ZMYM2: variants seen among roughly 807,000 people sequenced by gnomAD.
The protein encoded by ZMYM2 is zinc finger MYM-type protein 2.
ZMYM2 carries 56 observed loss-of-function variants against 162.8 expected under a neutral mutation model. That is an observed-to-expected ratio of 0.34 (90% confidence interval 0.28 to 0.43). The LOEUF (loss-of-function observed/expected upper bound fraction) is 0.43, where lower values mean the gene tolerates loss of function less well. ZMYM2 is among the 20% of genes least tolerant of loss of function. The pLI is 1.00. For missense variants in ZMYM2, 1,275 were observed against 1,621.8 expected (o/e 0.79, Z 3.67); for synonymous variants, 510 against 541.6 (o/e 0.94, Z 0.81).
chr13:19,961,802 A>G (rs890319791), intron 2 of ZMYM2, among the ~76,000 whole-genome samples: 1 of 152,246 alleles, frequency 6.6e-6, no homozygotes, highest in Non-Finnish European at 1.5e-5. Context: ...AACAGCAACT[A>G]GTGATGCTGC....
intron 6 of ZMYM2, among the ~76,000 whole-genome samples, chr13:20,007,084 C>T (rs535650789): frequency 6.6e-6 from 1 of 152,234 alleles, no homozygotes; most frequent in East Asian, 1.9e-4. Context: ...AACTTTTAAA[C>T]CTCGGCTTGA....
chr13:20,074,773 C>T (rs775700113), intron 21 of ZMYM2, among the ~76,000 whole-genome samples: 1 of 151,488 alleles, frequency 6.6e-6, no homozygotes, highest in Admixed American at 6.6e-5. Flanking sequence ...CTCCTGACCT[C>T]GTGATCCGCC....
At chr13:19,864,221 C>T in the ZMYM2 span, 3 of 155,032 alleles carry the variant, frequency 1.9e-5, no homozygotes, top group Non-Finnish European at 2.9e-5. Flanking sequence ...GAACTGGAGT[C>T]TTGAGTGCGC....
intron 2 of ZMYM2, among the ~76,000 whole-genome samples, chr13:19,992,093 G>C (rs1164508450): frequency 3.3e-5 from 5 of 152,084 alleles, no homozygotes; most frequent in Non-Finnish European, 5.9e-5. Flanking sequence ...TGATATCTTT[G>C]GTGACCTTTA....
At chr13:19,907,430 C>T in the ZMYM2 span, among the ~76,000 whole-genome samples, 1 of 152,092 alleles carries the variant, frequency 6.6e-6, no homozygotes, top group Non-Finnish European at 1.5e-5. Context: ...TATATGGGAA[C>T]TATCTGTACT....
the ZMYM2 span, among the ~76,000 whole-genome samples, chr13:19,880,062 G>A: frequency 6.6e-6 from 1 of 152,140 alleles, no homozygotes; most frequent in African/African-American, 2.4e-5. Flanking sequence ...TCTAGGACCA[G>A]CAGGGTACCC....
At chr13:19,959,018 G>A (rs1954825639) in intron 1 of ZMYM2, among the ~76,000 whole-genome samples, 177 bp downstream of exon 1, 1 of 151,850 alleles carries the variant, frequency 6.6e-6, no homozygotes, top group Non-Finnish European at 1.5e-5. Flanking sequence ...CGGCGCGGCC[G>A]CCGTCGCCGC....
chr13:19,937,596 A>C, the ZMYM2 span, among the ~76,000 whole-genome samples: 1 of 143,048 alleles, frequency 7.0e-6, no homozygotes, highest in East Asian at 2.0e-4. Flanking sequence ...TTTTTTTTTT[A>C]GAAATATGGA....
chr13:19,890,477 T>G, the ZMYM2 span, among the ~76,000 whole-genome samples: 10 of 110,818 alleles, frequency 9.0e-5, no homozygotes, highest in Admixed American at 3.8e-4. Flanking sequence ...CCTAAGATAT[T>G]AAAGCAACAT....
intron 6 of ZMYM2, among the ~76,000 whole-genome samples, chr13:20,017,474 C>A (rs1457365820): frequency 1.3e-5 from 2 of 152,120 alleles, no homozygotes; most frequent in African/African-American, 4.8e-5. Context: ...TTTATCCTTC[C>A]TAGTGTTTGC....
chr13:19,869,514 G>A, the ZMYM2 span, among the ~76,000 whole-genome samples: 9 of 152,130 alleles, frequency 5.9e-5, no homozygotes, highest in East Asian at 5.8e-4. Flanking sequence ...CTGGCTGGGC[G>A]TGGTGGCTCA....
At chr13:20,022,512 G>A (rs1374719106) in intron 7 of ZMYM2, among the ~76,000 whole-genome samples, 1 of 152,080 alleles carries the variant, frequency 6.6e-6, no homozygotes, top group Non-Finnish European at 1.5e-5. Flanking sequence ...TTTAAGTTAA[G>A]CAAACTTTTC....
chr13:19,926,740 T>C, the ZMYM2 span, among the ~76,000 whole-genome samples: 3 of 152,188 alleles, frequency 2.0e-5, no homozygotes, highest in Non-Finnish European at 2.9e-5. Context: ...CAATCCCTGC[T>C]CACTGCAATC....
At chr13:20,055,797 A>G (rs944037319) in intron 14 of ZMYM2, among the ~76,000 whole-genome samples, 2 of 148,624 alleles carry the variant, frequency 1.3e-5, no homozygotes, top group Admixed American at 6.7e-5. Context: ...ATTATGACCA[A>G]TTTTTTTTTT....
intron 2 of ZMYM2, among the ~76,000 whole-genome samples, chr13:19,982,989 G>C (rs1362824386): frequency 6.6e-6 from 1 of 152,058 alleles, no homozygotes; most frequent in Non-Finnish European, 1.5e-5. Flanking sequence ...AAATTTTATG[G>C]CCGTTCAGTT....
chr13:19,946,338 T>C, the ZMYM2 span, among the ~76,000 whole-genome samples: 1 of 152,348 alleles, frequency 6.6e-6, no homozygotes, highest in African/African-American at 2.4e-5. Context: ...CCGCCTGCTC[T>C]TGACTCTCCT....
chr13:19,977,336 T>C (rs959630893), intron 2 of ZMYM2, among the ~76,000 whole-genome samples: 1 of 152,124 alleles, frequency 6.6e-6, no homozygotes, highest in Admixed American at 6.6e-5. Flanking sequence ...GTGAATCTTT[T>C]GTAGACAGCA....
chr13:19,948,565 A>G, the ZMYM2 span, among the ~76,000 whole-genome samples: 470 of 152,358 alleles, frequency 3.1e-3, 3 homozygotes, highest in Non-Finnish European at 4.6e-3. Context: ...AAAATCATGG[A>G]GACAGCAGAA....
chr13:19,964,174 C>T (rs1443278188), intron 2 of ZMYM2, among the ~76,000 whole-genome samples: 1 of 151,836 alleles, frequency 6.6e-6, no homozygotes, highest in African/African-American at 2.4e-5. Context: ...GTCAAGAGTT[C>T]GAGACCAGCC....
Sources: allele counts gnomAD v4.1 joint callset (sites outside exome capture counted in the v4.1 genomes callset), GRCh38; gene constraint gnomAD v4.1.1; transcripts MANE v1.5; gene names NCBI Gene and HGNC (gene_info 2026-07-23, HGNC 2026-07-21).